TAF7: variants seen among roughly 807,000 people sequenced by gnomAD.
The protein encoded by TAF7 is TATA-box binding protein associated factor 7, also known as transcription initiation factor TFIID subunit 7.
TAF7 carries 9 observed loss-of-function variants against 25.3 expected under a neutral mutation model. The observed-to-expected ratio is 0.36, with a 90% CI of 0.21 to 0.62. TAF7 has a LOEUF of 0.62. TAF7 is among the 20% of genes least tolerant of loss of function. TAF7 has a pLI of 0.72. For synonymous variants in TAF7, 127 were observed against 146.7 expected (o/e 0.87, Z 0.97); for missense variants, 311 against 410.6 (o/e 0.76, Z 2.10).
Position 141,318,799 on chromosome 5 carries a change from G to T in TAF7, c.*196C>A. On this transcript the variant is annotated 3_prime_UTR_variant, in exon 1 of 1. Coordinates refer to ENST00000313368, the MANE Select transcript of TAF7 (RefSeq NM_005642.3). Reference sequence around the variant, plus strand: ...ATCATTTTTCTGCCTATACAATCCTGCTTCTTATAGGATGAACACCTAGCA... The same window carrying T: ...ATCATTTTTCTGCCTATACAATCCTTCTTCTTATAGGATGAACACCTAGCA... The T allele has an allele frequency of 2.0e-6, 1 of 502,740 alleles. No individual in the cohort carries two copies. Among genetic ancestry groups the T allele is most frequent in the Non-Finnish European group, 3.4e-6 (1 of 292,444 alleles). The allele number at this position is 502,740 out of a possible 1,614,324, so 31.1% of individuals were successfully genotyped here. A position where few individuals can be genotyped will look rare whatever the true frequency, so the allele number is the denominator to read the frequency against.
rs1368385017 is a variant in TAF7, at chr5:141,320,287, A to C, written c.-243T>G. On this transcript the variant is annotated 5_prime_UTR_variant, in exon 1 of 1. Coordinates refer to ENST00000313368, the MANE Select transcript of TAF7 (RefSeq NM_005642.3). ...ACACAAAGGCTTATTCACAGACTTA[A>C]GTTCATTAAATCAGATGCAATGCCA... The C allele has an allele frequency of 2.9e-5, 14 of 481,058 alleles. No homozygotes were observed. Among genetic ancestry groups the C allele is most frequent in the Non-Finnish European group, 4.6e-5 (12 of 263,106 alleles). The allele number at this position is 481,058 out of a possible 1,614,324, so 29.8% of individuals were successfully genotyped here.
chr5:141,318,889 G>C lies in TAF7; in HGVS notation c.*106C>G. On this transcript the variant is annotated 3_prime_UTR_variant, in exon 1 of 1. Coordinates refer to ENST00000313368, the MANE Select transcript of TAF7 (RefSeq NM_005642.3). ...ATGAAAGAACTTAACAGAACACACA[G>C]CATTAAAAGGACTAGGAAGAGCAAG... 1 of 953,004 alleles carries C rather than the reference G, an allele frequency of 1.0e-6. No homozygotes were observed. The highest frequency in any genetic ancestry group is 1.5e-6 in the Non-Finnish European group (1 of 662,912). The allele number at this position is 953,004 out of a possible 1,614,324, so 59.0% of individuals were successfully genotyped here. A position where few individuals can be genotyped will look rare whatever the true frequency, so the allele number is the denominator to read the frequency against.
rs769282276 is a variant in TAF7 at position 141,319,384 on chromosome 5, C to T, written c.661G>A (p.Glu221Lys). 2.7e-5 allele frequency: 44 copies of T among 1,614,016 alleles called. No individual in the cohort carries two copies. The highest frequency in any genetic ancestry group is 3.6e-5 in the Non-Finnish European group (43 of 1,180,050). ...HDSLEHDELR[E>K]IFNDLSSSSE... is the part of the protein sequence containing the mutation. The stretch of plus-strand genomic sequence containing the variant: ...CTGCTGCTGAGGTCATTGAATATCT[C>T]CCGAAGCTCATCATGTTCTAATGAG... Residue 221 changes from glutamate to lysine, a missense_variant, in exon 1 of 1, where the codon GAG becomes AAG. Physicochemically the swap from Glu to Lys is moderately conservative, Grantham distance 56. Transcript: ENST00000313368. The surrounding 1 kb of genome is among the most constrained non-coding windows in gnomAD (Gnocchi z 5.3).
rs2149709742 is a variant in TAF7, at chr5:141,318,929, T to C, written c.*66A>G. 2.2e-6 allele frequency: 3 copies of C among 1,387,308 alleles called. No homozygotes were observed. Among genetic ancestry groups the C allele is most frequent in the Non-Finnish European group, 2.9e-6 (3 of 1,036,070 alleles). 85.9% of individuals were successfully genotyped at this position (1,387,308 alleles called of 1,614,324 possible). A position where few individuals can be genotyped will look rare whatever the true frequency, so the allele number is the denominator to read the frequency against. Reference sequence around the variant, plus strand: ...GGAAGAGCAAGGTCTTAATACCCAGTACAATAAAGCCAAGAATTTTCTAAT... The same window carrying C: ...GGAAGAGCAAGGTCTTAATACCCAGCACAATAAAGCCAAGAATTTTCTAAT... On this transcript the variant is annotated 3_prime_UTR_variant, in exon 1 of 1. Coordinates refer to ENST00000313368, the MANE Select transcript of TAF7 (RefSeq NM_005642.3).
Position 141,319,188 on chromosome 5 carries a change from T to C in TAF7, c.857A>G (p.Asp286Gly), listed in dbSNP as rs2149709789. ...QLVMGIQKQI[D>G]NMKGKLQETQ... ...CTCTTGGAGCTTGCCTTTCATGTTG[T>C]CAATCTGCTTCTGAATTCCCATAAC... The change falls in exon 1 of 1, where the codon GAC becomes GGC. Residue 286 changes from aspartate to glycine, a missense_variant. By Grantham distance (94) the Asp-to-Gly change is moderately conservative (BLOSUM62 -1). This residue lies in a region of TAF7 where 179 missense variants were observed against 206.7 expected (regional missense o/e 0.87). Coordinates refer to ENST00000313368, the MANE Select transcript of TAF7 (RefSeq NM_005642.3). This position sits in a 1 kb window ranked among gnomAD's most constrained non-coding sequence, Gnocchi z 5.3. 3 of 1,614,164 alleles carry C rather than the reference T, an allele frequency of 1.9e-6. No individual in the cohort carries two copies. Among genetic ancestry groups the C allele is most frequent in the East Asian group, 4.5e-5 (2 of 44,874 alleles).
rs757654245 is a variant in TAF7, at chr5:141,319,395, T to C, written c.650A>G (p.Asp217Gly). ...HRQGHDSLEH[D>G]ELREIFNDLS... Reference sequence around the variant, plus strand: ...GTCATTGAATATCTCCCGAAGCTCATCATGTTCTAATGAGTCATGGCCCTG... The same window carrying C: ...GTCATTGAATATCTCCCGAAGCTCACCATGTTCTAATGAGTCATGGCCCTG... The change falls in exon 1 of 1, where the codon GAT (aspartate) becomes GGT (glycine). Residue 217 changes from aspartate to glycine, a missense_variant. Physicochemically the swap from Asp to Gly is moderately conservative, Grantham distance 94 (BLOSUM62 -1). This residue lies in a region of TAF7 where 179 missense variants were observed against 206.7 expected (regional missense o/e 0.87). Transcript: ENST00000313368. The surrounding 1 kb of genome is among the most constrained non-coding windows in gnomAD (Gnocchi z 5.3). 6.2e-7 allele frequency: 1 copy of C among 1,614,200 alleles called. No homozygotes were observed. Among genetic ancestry groups the C allele is most frequent in the South Asian group, 1.1e-5 (1 of 91,078 alleles).
Position 141,319,142 on chromosome 5 carries a change from T to C in TAF7, c.903A>G (p.Arg301=). The C allele has an allele frequency of 6.2e-7, 1 of 1,614,166 alleles. No individual in the cohort carries two copies. The highest frequency in any genetic ancestry group is 8.5e-7 in the Non-Finnish European group (1 of 1,180,020). The change falls in exon 1 of 1, where the codon CGA becomes CGG. Residue 301 remains arginine (R), a synonymous_variant. Coordinates refer to ENST00000313368, the MANE Select transcript of TAF7 (RefSeq NM_005642.3). This position sits in a 1 kb window ranked among gnomAD's most constrained non-coding sequence, Gnocchi z 5.3. ...KLQETQDRAK[R]QEDLIMKVEN... Reference sequence around the variant, plus strand: ...CCACTTTCATGATGAGATCCTCTTGTCGTTTTGCCCTGTCCTGGGTCTCTT... The same window carrying C: ...CCACTTTCATGATGAGATCCTCTTGCCGTTTTGCCCTGTCCTGGGTCTCTT...
In TAF7 at chr5:141,318,767, T is replaced by C. The variant is rs1415791223; in HGVS notation, c.*228A>G. The C allele has an allele frequency of 1.5e-5, 6 of 413,058 alleles. No individual in the cohort carries two copies. Among genetic ancestry groups the C allele is most frequent in the Non-Finnish European group, 2.6e-5 (6 of 233,662 alleles). The allele number at this position is 413,058 out of a possible 1,614,324, so 25.6% of individuals were successfully genotyped here. A position where few individuals can be genotyped will look rare whatever the true frequency, so the allele number is the denominator to read the frequency against. On this transcript the variant is annotated 3_prime_UTR_variant, in exon 1 of 1. Coordinates refer to ENST00000313368, the MANE Select transcript of TAF7 (RefSeq NM_005642.3). Reference sequence around the variant, plus strand: ...ATACATTCCGCTAATCCTGCAACTTTCCTACAATCATTTTTCTGCCTATAC... The same window carrying C: ...ATACATTCCGCTAATCCTGCAACTTCCCTACAATCATTTTTCTGCCTATAC...
rs1290833242 is a variant in TAF7, at chr5:141,320,243, G to A, written c.-199C>T. The A allele has an allele frequency of 1.7e-6, 1 of 597,608 alleles. No individual in the cohort carries two copies. Among genetic ancestry groups the A allele is most frequent in the Non-Finnish European group, 3.0e-6 (1 of 332,920 alleles). 37.0% of individuals were successfully genotyped at this position (597,608 alleles called of 1,614,324 possible). On this transcript the variant is annotated 5_prime_UTR_variant, in exon 1 of 1. Transcript: ENST00000313368. ...CAAGTCTTTTCTCTAAATATGCTGT[G>A]ACCGAATACCAGTCGTTAACACAAA...
In TAF7 at chr5:141,319,934, G is replaced by C. The variant is rs750858799; in HGVS notation, c.111C>G (p.Val37=). The C allele has an allele frequency of 6.2e-7, 1 of 1,613,972 alleles. No individual in the cohort carries two copies. The highest frequency in any genetic ancestry group is 1.1e-5 in the South Asian group (1 of 91,078). Residue 37 remains valine, a synonymous_variant, in exon 1 of 1, where the codon GTC becomes GTG. Transcript: ENST00000313368. This position sits in a 1 kb window ranked among gnomAD's most constrained non-coding sequence, Gnocchi z 5.3. ...TVRRAVQSGH[V]NLKDRLTIEL... is the part of the protein sequence containing the mutation. Reference sequence around the variant, plus strand: ...CAATTGTCAGTCTGTCCTTGAGGTTGACATGACCAGACTGTACTGCCCTTC... The same window carrying C: ...CAATTGTCAGTCTGTCCTTGAGGTTCACATGACCAGACTGTACTGCCCTTC...
chr5:141,319,343 A>C lies in TAF7; in HGVS notation c.702T>G (p.Asp234Glu). The change falls in exon 1 of 1, where the codon GAT becomes GAG. Residue 234 changes from aspartate (D) to glutamate (E), a missense_variant. Coordinates refer to ENST00000313368, the MANE Select transcript of TAF7 (RefSeq NM_005642.3). The surrounding 1 kb of genome is among the most constrained non-coding windows in gnomAD (Gnocchi z 5.3). ...NDLSSSSEDE[D>E]ETQHQDEEDI... ...CTTCTTCATCTTGATGCTGGGTCTC[A>C]TCTTCATCCTCACTGCTGCTGCTGA... The C allele has an allele frequency of 6.2e-7, 1 of 1,613,946 alleles. No homozygotes were observed. The highest frequency in any genetic ancestry group is 8.5e-7 in the Non-Finnish European group (1 of 1,179,998).
rs1756125032 is a variant in TAF7 at position 141,319,433 on chromosome 5, C to T, written c.612G>A (p.Met204Ile). Residue 204 changes from methionine to isoleucine, a missense_variant, in exon 1 of 1, where the codon ATG (methionine) becomes ATA (isoleucine). Around this residue, in one of 3 missense-constraint regions of TAF7, gnomAD observed 179 missense variants for 206.7 expected, o/e 0.87. Coordinates refer to ENST00000313368, the MANE Select transcript of TAF7 (RefSeq NM_005642.3). This position sits in a 1 kb window ranked among gnomAD's most constrained non-coding sequence, Gnocchi z 5.3. ...NQGLDISSPGMSGHRQGHDSL... is the reference protein window; with the variant it reads ...NQGLDISSPGISGHRQGHDSL... ...AGTCATGGCCCTGCCTGTGACCAGACATTCCTGGAGAAGAGATATCCAGGC... is the reference window on the plus strand; with the variant it reads ...AGTCATGGCCCTGCCTGTGACCAGATATTCCTGGAGAAGAGATATCCAGGC... 6.2e-7 allele frequency: 1 copy of T among 1,614,076 alleles called. No homozygotes were observed. The highest frequency in any genetic ancestry group is 1.3e-5 in the African/African-American group (1 of 74,930).
chr5:141,318,829 A>G lies in TAF7; in HGVS notation c.*166T>C, dbSNP rs1564070385. On this transcript the variant is annotated 3_prime_UTR_variant, in exon 1 of 1. Transcript: ENST00000313368. The stretch of plus-strand genomic sequence containing the variant: ...TTATAGGATGAACACCTAGCAAAAC[A>G]ATATAAATTTGCTGAAAAACAAAAT... The G allele has an allele frequency of 6.6e-6, 4 of 609,670 alleles. No individual in the cohort carries two copies. Among genetic ancestry groups the G allele is most frequent in the South Asian group, 2.6e-5 (1 of 38,078 alleles). The allele number at this position is 609,670 out of a possible 1,614,324, so 37.8% of individuals were successfully genotyped here.
At position 141,318,914 on chromosome 5, in the gene TAF7, G is replaced by T; in HGVS notation, c.*81C>A. 8.5e-7 allele frequency: 1 copy of T among 1,181,154 alleles called. No homozygotes were observed. Among genetic ancestry groups the T allele is most frequent in the Non-Finnish European group, 1.2e-6 (1 of 858,970 alleles). 73.2% of individuals were successfully genotyped at this position (1,181,154 alleles called of 1,614,324 possible). ...GCATTAAAAGGACTAGGAAGAGCAAGGTCTTAATACCCAGTACAATAAAGC... is the reference window on the plus strand; with the variant it reads ...GCATTAAAAGGACTAGGAAGAGCAATGTCTTAATACCCAGTACAATAAAGC... On this transcript the variant is annotated 3_prime_UTR_variant, in exon 1 of 1. Coordinates refer to ENST00000313368, the MANE Select transcript of TAF7 (RefSeq NM_005642.3).
In TAF7 at chr5:141,319,127, G is replaced by C. The variant is rs950057614; in HGVS notation, c.918C>G (p.Ile306Met). 8 of 1,613,934 alleles carry C rather than the reference G, an allele frequency of 5.0e-6. No individual in the cohort carries two copies. In the African/African-American group the frequency reaches 6.7e-5, roughly 13 times the overall value. ...TGAGAGCCAGATTTTCCACTTTCAT[G>C]ATGAGATCCTCTTGTCGTTTTGCCC... is the stretch of plus-strand genomic sequence containing the variant. Reference protein sequence around the residue: ...QDRAKRQEDLIMKVENLALKN... With the variant: ...QDRAKRQEDLMMKVENLALKN... Residue 306 changes from isoleucine (I) to methionine (M), a missense_variant, in exon 1 of 1, where the codon ATC becomes ATG. By Grantham distance (10) the Ile-to-Met change is conservative. Around this residue, in one of 3 missense-constraint regions of TAF7, gnomAD observed 179 missense variants for 206.7 expected, o/e 0.87. Transcript: ENST00000313368. This position sits in a 1 kb window ranked among gnomAD's most constrained non-coding sequence, Gnocchi z 5.3.
In TAF7 at chr5:141,319,317, T is replaced by C. The variant is rs202078222; in HGVS notation, c.728A>G (p.Asp243Gly). ...TTCCTCCGTGTCAATGATGTTTATA[T>C]CTTCTTCATCTTGATGCTGGGTCTC... is the stretch of plus-strand genomic sequence containing the variant. ...EDETQHQDEE[D>G]INIIDTEEDL... The change falls in exon 1 of 1, where the codon GAT (aspartate) becomes GGT (glycine). Residue 243 changes from aspartate (D) to glycine (G), a missense_variant. Transcript: ENST00000313368. This position sits in a 1 kb window ranked among gnomAD's most constrained non-coding sequence, Gnocchi z 5.3. 6.2e-6 allele frequency: 10 copies of C among 1,613,992 alleles called. No homozygotes were observed. The highest frequency in any genetic ancestry group is 8.5e-6 in the Non-Finnish European group (10 of 1,180,034).
rs769009089 is a variant in TAF7 at position 141,319,053 on chromosome 5, C to T, written c.992G>A (p.Arg331Gln). ...VLDELKQKED[R>Q]EKEQLSSLQE... ...CAAAGAGCTGAGTTGCTCCTTTTCT[C>T]GGTCTTCCTTTTGTTTGAGCTCATC... The change falls in exon 1 of 1, where the codon CGA becomes CAA. Residue 331 changes from arginine (R) to glutamine (Q), a missense_variant. Arg to Gln is a conservative substitution (Grantham distance 43, BLOSUM62 1). Transcript: ENST00000313368. The surrounding 1 kb of genome is among the most constrained non-coding windows in gnomAD (Gnocchi z 5.3). 1.2e-6 allele frequency: 2 copies of T among 1,613,710 alleles called. No homozygotes were observed. Among genetic ancestry groups the T allele is most frequent in the East Asian group, 2.2e-5 (1 of 44,880 alleles).
In TAF7 at chr5:141,320,001, T is replaced by C; in HGVS notation, c.44A>G (p.Gln15Arg). ...KDDAPHELES[Q>R]FILRLPPEYA... Reference sequence around the variant, plus strand: ...TTCTGGAGGCAGACGTAAGATAAACTGGCTCTCCAGTTCGTGAGGAGCATC... The same window carrying C: ...TTCTGGAGGCAGACGTAAGATAAACCGGCTCTCCAGTTCGTGAGGAGCATC... The change falls in exon 1 of 1, where the codon CAG (glutamine) becomes CGG (arginine). Residue 15 changes from glutamine to arginine, a missense_variant. Gln to Arg is a conservative substitution (Grantham distance 43). This residue lies in a region of TAF7 where 119 missense variants were observed against 159.3 expected (regional missense o/e 0.75). Transcript: ENST00000313368. 6.2e-7 allele frequency: 1 copy of C among 1,614,020 alleles called. No individual in the cohort carries two copies. The highest frequency in any genetic ancestry group is 2.2e-5 in the East Asian group (1 of 44,886).
Position 141,318,538 on chromosome 5 carries a change from T to C in TAF7, c.*457A>G, listed in dbSNP as rs1756111213. On this transcript the variant is annotated 3_prime_UTR_variant, in exon 1 of 1. Coordinates refer to ENST00000313368, the MANE Select transcript of TAF7 (RefSeq NM_005642.3). Reference sequence around the variant, plus strand: ...ATTTATTGTATTGGAAACAACTTAATAATTTGCATCTCTACATATAGAAAG... The same window carrying C: ...ATTTATTGTATTGGAAACAACTTAACAATTTGCATCTCTACATATAGAAAG... The C allele has an allele frequency of 6.5e-6, 1 of 153,098 alleles. No homozygotes were observed. The highest frequency in any genetic ancestry group is 1.5e-5 in the Non-Finnish European group (1 of 68,738). The allele number at this position is 153,098 out of a possible 1,614,324, so 9.5% of individuals were successfully genotyped here.
Sources: gnomAD v4.1 joint callset for allele counts on GRCh38, gnomAD v4.1.1 for gene constraint, gnomAD v4.1.1 regional missense constraint, Gnocchi (gnomAD v3.1) non-coding constraint, MANE v1.5 for transcripts, NCBI Gene and HGNC (gene_info 2026-07-23, HGNC 2026-07-21) for gene names.